The following CCDC192 variants were observed in gnomAD, a reference collection of about 807,000 sequenced individuals.
CCDC192 encodes the protein coiled-coil domain-containing protein 192.
rs114541152 is a variant in CCDC192 at position 127,724,219 on chromosome 5, A to G, written c.114+16459A>G. ...TTTATAATGTTTATTACAATATAATATCCTTCATATATTAAGGTCTTGCCT... is the reference window on the plus strand; with the variant it reads ...TTTATAATGTTTATTACAATATAATGTCCTTCATATATTAAGGTCTTGCCT... On this transcript the variant is annotated intron_variant, in intron 2 of 6. Transcript: ENST00000514853. Among the ~76,000 whole-genome samples, 1,425 of 152,334 alleles carry G rather than the reference A, an allele frequency of 9.4e-3. 25 individuals are homozygous for G. Among genetic ancestry groups the G allele is most frequent in the African/African-American group, 0.033 (1,360 of 41,562 alleles).
At chr5:127,790,017 C>T (rs572316681) in intron 3 of CCDC192, among the ~76,000 whole-genome samples, 2 of 152,212 alleles carry the variant, frequency 1.3e-5, no homozygotes, top group Non-Finnish European at 2.9e-5. Flanking sequence ...TGGGCATAAC[C>T]CCCATGCAGT....
chr5:127,805,408 C>T (rs776066197), intron 5 of CCDC192, among the ~76,000 whole-genome samples: 4 of 152,118 alleles, frequency 2.6e-5, no homozygotes, highest in Admixed American at 6.5e-5. Flanking sequence ...TTTTTAAAGC[C>T]GAATTTCACT....
intron 3 of CCDC192, among the ~76,000 whole-genome samples, chr5:127,796,882 T>C (rs1348686323): frequency 6.6e-6 from 1 of 152,244 alleles, no homozygotes; most frequent in Non-Finnish European, 1.5e-5. Flanking sequence ...AACTATGCGA[T>C]TTCATCTCTT....
chr5:127,714,943 C>A (rs1187282767), intron 2 of CCDC192, among the ~76,000 whole-genome samples: 1 of 146,614 alleles, frequency 6.8e-6, no homozygotes, highest in African/African-American at 2.5e-5. Flanking sequence ...CTATTTAGGT[C>A]TTTTGCCCAT....
chr5:127,891,943 T>C (rs1370257006), intron 6 of CCDC192, among the ~76,000 whole-genome samples: 1 of 152,216 alleles, frequency 6.6e-6, no homozygotes, highest in Non-Finnish European at 1.5e-5. Context: ...CGAGGGTATA[T>C]ATTACATCTT....
intron 2 of CCDC192, among the ~76,000 whole-genome samples, chr5:127,734,170 T>C (rs1403452613): frequency 1.1e-4 from 16 of 148,076 alleles, no homozygotes; most frequent in African/African-American, 3.2e-4. Context: ...AGTGAGAATA[T>C]GCAGTGTTTG....
intron 6 of CCDC192, among the ~76,000 whole-genome samples, chr5:127,890,080 C>T (rs912375625): frequency 2.0e-5 from 3 of 151,934 alleles, no homozygotes; most frequent in African/African-American, 7.3e-5. Flanking sequence ...CTCACAGATG[C>T]GAAGATCTCT....
chr5:127,877,451 A>G (rs975113693), intron 6 of CCDC192, among the ~76,000 whole-genome samples: 1 of 152,124 alleles, frequency 6.6e-6, no homozygotes, highest in Non-Finnish European at 1.5e-5. Flanking sequence ...AAGATCCATT[A>G]TGGATCAAAA....
chr5:127,911,602 A>G (rs1396767425), intron 6 of CCDC192, among the ~76,000 whole-genome samples: 1 of 152,202 alleles, frequency 6.6e-6, no homozygotes, highest in African/African-American at 2.4e-5. Flanking sequence ...TTCTAGGTCC[A>G]TAAAGGGGTA....
intron 6 of CCDC192, among the ~76,000 whole-genome samples, chr5:127,921,091 A>T (rs1753702199): frequency 7.8e-6 from 1 of 128,988 alleles, no homozygotes; most frequent in Non-Finnish European, 1.6e-5. Flanking sequence ...AGGAAAAGAA[A>T]GGAAAGGAAA....
At chr5:127,869,553 A>C (rs1272231326) in intron 5 of CCDC192, among the ~76,000 whole-genome samples, 1 of 152,184 alleles carries the variant, frequency 6.6e-6, no homozygotes. Context: ...AATTCATCCC[A>C]AGTGTAAGGT....
At chr5:127,707,572 T>G in intron 1 of CCDC192, 137 bp from the exon 2 acceptor site, 2 of 377,146 alleles carry the variant, frequency 5.3e-6, no homozygotes, top group Non-Finnish European at 9.4e-6. Flanking sequence ...GAAATTGACA[T>G]TTGGAGGAAA....
chr5:127,870,970 C>T (rs1270102309), intron 5 of CCDC192, among the ~76,000 whole-genome samples: 2 of 152,206 alleles, frequency 1.3e-5, no homozygotes, highest in African/African-American at 4.8e-5. Flanking sequence ...GCTAGTGGGC[C>T]ACTGAAGACA....
At chr5:127,826,599 A>T (rs1012384189) in intron 5 of CCDC192, among the ~76,000 whole-genome samples, 2 of 149,360 alleles carry the variant, frequency 1.3e-5, no homozygotes, top group Admixed American at 6.8e-5. Flanking sequence ...AGGAATAGAA[A>T]ATCAAATACC....
chr5:127,801,020 A>G (rs539002414), intron 5 of CCDC192, among the ~76,000 whole-genome samples: 15 of 152,270 alleles, frequency 9.9e-5, no homozygotes, highest in African/African-American at 3.1e-4. Context: ...CTCTGGCACC[A>G]TCAAGCCCTA....
chr5:127,914,672 G>A (rs753666512), intron 6 of CCDC192, among the ~76,000 whole-genome samples: 19 of 152,154 alleles, frequency 1.2e-4, no homozygotes, highest in Non-Finnish European at 2.1e-4. Context: ...TTTGGGCAAC[G>A]TGCTTGGAGA....
intron 3 of CCDC192, among the ~76,000 whole-genome samples, chr5:127,756,010 G>A (rs1754563993): frequency 6.6e-6 from 1 of 152,062 alleles, no homozygotes; most frequent in African/African-American, 2.4e-5. Context: ...GGTGGCACCT[G>A]TAGTCCCAGG....
intron 6 of CCDC192, among the ~76,000 whole-genome samples, chr5:127,904,171 C>T (rs1753134868): frequency 6.6e-6 from 1 of 152,094 alleles, no homozygotes; most frequent in Non-Finnish European, 1.5e-5. Context: ...GAGCCACGAA[C>T]CAAGAAATAT....
chr5:127,936,214 T>C (rs1262164952), intron 6 of CCDC192, among the ~76,000 whole-genome samples: 1 of 152,240 alleles, frequency 6.6e-6, no homozygotes, highest in African/African-American at 2.4e-5. Context: ...CAACGCTCAG[T>C]CTTTTAAGGT....
Sources: gnomAD v4.1 joint callset for allele counts (sites outside exome capture counted in the v4.1 genomes callset) on GRCh38, gnomAD v4.1.1 for gene constraint, MANE v1.5 for transcripts, NCBI Gene and HGNC (gene_info 2026-07-23, HGNC 2026-07-21) for gene names.